Variants in ARHGAP39 observed in about 807,000 individuals in gnomAD.
ARHGAP39 encodes rho GTPase-activating protein 39.
Under a neutral mutation model 106.9 loss-of-function variants are expected in ARHGAP39, and 44 were observed. That is an observed-to-expected ratio of 0.41 (90% CI 0.32 to 0.53). The LOEUF is 0.53. Among genes scored for constraint, ARHGAP39 ranks in the 20% least tolerant of loss-of-function variants. The pLI is 0.21. For synonymous variants in ARHGAP39, 768 were observed against 693.2 expected (o/e 1.11, Z -1.69); for missense variants, 1,496 against 1,577.3 (o/e 0.95, Z 0.87).
intron 1 of ARHGAP39, among the ~76,000 whole-genome samples, chr8:144,664,417 C>T (rs1003362214): frequency 1.1e-4 from 17 of 152,200 alleles, no homozygotes; most frequent in Admixed American, 7.2e-4. Context: ...GGCAAGGCCA[C>T]GTAAACAGTG....
intron 2 of ARHGAP39, among the ~76,000 whole-genome samples, chr8:144,602,096 T>TGTGA: frequency 7.3e-6 from 1 of 137,054 alleles, no homozygotes; most frequent in Non-Finnish European, 1.5e-5. Context: ...GAGGCGTGTG[T>TGTGA]GCTCGTGTAC....
intron 2 of ARHGAP39, among the ~76,000 whole-genome samples, chr8:144,600,195 CTGCGTG>C (rs1027477541): frequency 6.9e-6 from 1 of 144,362 alleles, no homozygotes; most frequent in Non-Finnish European, 1.5e-5. Context: ...GTGTACCTAC[CTGCGTG>C]TGCGTGTGTG....
In ARHGAP39 at chr8:144,591,949, T is replaced by A. The variant is rs905825682; in HGVS notation, c.81-10672A>T. Among the ~76,000 whole-genome samples, 1 of 152,062 alleles carries A rather than the reference T, an allele frequency of 6.6e-6. No individual in the cohort carries two copies. The highest frequency in any genetic ancestry group is 1.5e-5 in the Non-Finnish European group (1 of 67,982). On this transcript the variant is annotated intron_variant, in intron 2 of 11. Coordinates refer to ENST00000377307, the MANE Select transcript of ARHGAP39 (RefSeq NM_025251.3). The surrounding 1 kb of genome is among the most constrained non-coding windows in gnomAD (Gnocchi z 5.3). ...GGTGCCTGCAGGGAGTGGTGCCTGATCTCCTGTTCTCGCGTCACTTCTGTT... is the reference window on the plus strand; with the variant it reads ...GGTGCCTGCAGGGAGTGGTGCCTGAACTCCTGTTCTCGCGTCACTTCTGTT...
chr8:144,679,928 C>T lies in ARHGAP39; in HGVS notation c.-82+5758G>A, dbSNP rs749329456. ...CCAGGATGCGGAGCTTGCAGTGAGT[C>T]GAGATCGCGCCGCCGCACTCCAGCC... On this transcript the variant is annotated intron_variant, in intron 1 of 11. Transcript: ENST00000377307. This position sits in a 1 kb window ranked among gnomAD's most constrained non-coding sequence, Gnocchi z 4.7. Among the ~76,000 whole-genome samples, 20 of 152,088 alleles carry T rather than the reference C, an allele frequency of 1.3e-4. No homozygotes were observed. Among genetic ancestry groups the T allele is most frequent in the Non-Finnish European group, 2.1e-4 (14 of 68,026 alleles).
At chr8:144,564,060 G>T (rs952677713) in intron 3 of ARHGAP39, among the ~76,000 whole-genome samples, 1 of 152,176 alleles carries the variant, frequency 6.6e-6, no homozygotes. Context: ...ACACAAATTT[G>T]CAGCAGATAT....
chr8:144,555,471 C>T (rs921666286), intron 4 of ARHGAP39, 89 bp downstream of exon 4: 52 of 1,153,130 alleles, frequency 4.5e-5, no homozygotes, highest in African/African-American at 7.6e-5. Context: ...TGCTGCTACG[C>T]GCCAGGCACC....
intron 3 of ARHGAP39, among the ~76,000 whole-genome samples, chr8:144,564,240 T>C (rs1302357572): frequency 6.6e-6 from 1 of 152,228 alleles, no homozygotes; most frequent in African/African-American, 2.4e-5. Flanking sequence ...ACATCTGCAA[T>C]TGGTTCTGAT....
chr8:144,640,459 C>T (rs1821285048), intron 1 of ARHGAP39, among the ~76,000 whole-genome samples: 1 of 152,202 alleles, frequency 6.6e-6, no homozygotes, highest in Non-Finnish European at 1.5e-5. Flanking sequence ...TCTTTGCCTG[C>T]TGCCATCCAG....
chr8:144,547,991 G>C lies in ARHGAP39; in HGVS notation c.1095C>G (p.Pro365=). Residue 365 remains proline (P), a synonymous_variant, in exon 5 of 12, where the codon CCC becomes CCG. Transcript: ENST00000377307. This position sits in a 1 kb window ranked among gnomAD's most constrained non-coding sequence, Gnocchi z 5.2. ...TGAGCACCAGCTGCTGGCAGGGCGAGGGGGGGCCCTGCTTGTTGGGCTGGA... is the reference window on the plus strand; with the variant it reads ...TGAGCACCAGCTGCTGGCAGGGCGACGGGGGGCCCTGCTTGTTGGGCTGGA... The part of the protein sequence containing the change: ...PFLQPNKQGP[P]SPCQQLVLTK... 1 of 1,608,080 alleles carries C rather than the reference G, an allele frequency of 6.2e-7. No homozygotes were observed. The highest frequency in any genetic ancestry group is 8.5e-7 in the Non-Finnish European group (1 of 1,177,686).
intron 1 of ARHGAP39, among the ~76,000 whole-genome samples, chr8:144,630,741 G>C (rs558832897): frequency 6.6e-6 from 1 of 152,364 alleles, no homozygotes; most frequent in East Asian, 1.9e-4. Context: ...CCTCTCTTTC[G>C]CTAGGTGAGA....
chr8:144,690,687 C>T (rs748018415), upstream of ARHGAP39, among the ~76,000 whole-genome samples: 8 of 151,696 alleles, frequency 5.3e-5, no homozygotes, highest in Non-Finnish European at 8.8e-5. Context: ...CTCTGTTGCC[C>T]AGGCTGGAGT....
At chr8:144,669,667 T>C (rs1822053387) in intron 1 of ARHGAP39, among the ~76,000 whole-genome samples, 1 of 152,090 alleles carries the variant, frequency 6.6e-6, no homozygotes, top group Admixed American at 6.6e-5. Flanking sequence ...AACACATAAC[T>C]CAGTCATAAA....
At chr8:144,696,708 A>G in the ARHGAP39 span, among the ~76,000 whole-genome samples, 2 of 152,212 alleles carry the variant, frequency 1.3e-5, no homozygotes, top group African/African-American at 2.4e-5. Context: ...TTAAGTGTAC[A>G]GTTCAGTGAT....
chr8:144,578,077 T>C (rs1310735667), intron 3 of ARHGAP39, among the ~76,000 whole-genome samples: 3 of 152,088 alleles, frequency 2.0e-5, no homozygotes, highest in Admixed American at 2.0e-4. Context: ...AAAACAACCT[T>C]GAAAAATTAG....
Position 144,685,820 on chromosome 8 carries a change from TCCG to T in ARHGAP39, c.-219_-217del, listed in dbSNP as rs1456725908. ...GCGGCAGCCCGTGCTGTCGGCGTCC[TCCG>T]CCGCCGCCGCCGGCCCAGTGCGCGG... On this transcript the variant is annotated 5_prime_UTR_variant, in exon 1 of 12. Transcript: ENST00000377307. 6.8e-6 allele frequency among the ~76,000 whole-genome samples: 1 copy of T among 147,502 alleles called. No homozygotes were observed.
intron 2 of ARHGAP39, among the ~76,000 whole-genome samples, chr8:144,593,647 C>T (rs1156602402): frequency 1.3e-5 from 2 of 152,056 alleles, no homozygotes; most frequent in South Asian, 4.2e-4. Context: ...TGGGAGAAAA[C>T]ACCTGCAAAT....
chr8:144,649,794 G>A (rs1821531367), intron 1 of ARHGAP39, among the ~76,000 whole-genome samples: 1 of 152,050 alleles, frequency 6.6e-6, no homozygotes, highest in Admixed American at 6.6e-5. Flanking sequence ...TGACCCCACA[G>A]AAATAAAAAT....
At chr8:144,639,157 C>T (rs1174051393) in intron 1 of ARHGAP39, among the ~76,000 whole-genome samples, 1 of 151,790 alleles carries the variant, frequency 6.6e-6, no homozygotes, top group Non-Finnish European at 1.5e-5. Context: ...TGAAACTCCA[C>T]CTCTACTAAA....
intron 1 of ARHGAP39, among the ~76,000 whole-genome samples, chr8:144,681,473 T>C (rs895781229): frequency 6.6e-6 from 1 of 152,180 alleles, no homozygotes; most frequent in Admixed American, 6.5e-5. Context: ...ACGCAGGACC[T>C]TGAGTCAACG....
Sources: gnomAD v4.1 joint callset for allele counts (sites outside exome capture counted in the v4.1 genomes callset) on GRCh38, gnomAD v4.1.1 for gene constraint, Gnocchi (gnomAD v3.1) non-coding constraint, MANE v1.5 for transcripts, NCBI Gene and HGNC (gene_info 2026-07-23, HGNC 2026-07-21) for gene names.